The following CACNA1S variants were observed in gnomAD, a reference collection of about 807,000 sequenced individuals.
The protein encoded by CACNA1S is calcium voltage-gated channel subunit alpha1 S, also known as voltage-dependent L-type calcium channel subunit alpha-1S.
A neutral mutation model predicts 207.4 loss-of-function variants in CACNA1S; 126 were observed. The ratio of observed to expected loss-of-function variants is 0.61; its 90% CI spans 0.53 to 0.70. The LOEUF (loss-of-function observed/expected upper bound fraction) is 0.70. Ranked by LOEUF, CACNA1S falls within the 30% of genes least tolerant of loss-of-function variation. CACNA1S has a pLI of 0.00. For synonymous variants in CACNA1S, 960 were observed against 932.7 expected (o/e 1.03, Z -0.53); for missense variants, 2,349 against 2,422.8 (o/e 0.97, Z 0.64).
At position 201,048,565 on chromosome 1, in the gene CACNA1S, T is replaced by C. The variant is rs758339204; in HGVS notation, c.4441+17A>G. 52 of 1,582,834 alleles carry C rather than the reference T, an allele frequency of 3.3e-5. No homozygotes were observed. Among genetic ancestry groups the C allele is most frequent in the Admixed American group, 1.7e-5 (1 of 59,976 alleles). On this transcript the variant is annotated intron_variant, in intron 36 of 43. Transcript: ENST00000362061. ...TCTGGGAGAAAGGAGGGGGCTCACA[T>C]TGGAAGGCACTCTCACCTTCCGTCT...
intron 2 of CACNA1S, 136 bp downstream of exon 2, chr1:201,110,027 TG>T: frequency 2.5e-6 from 2 of 791,958 alleles, no homozygotes. Context: ...GCCCTGCAGG[TG>T]GCTGGGGATG....
intron 7 of CACNA1S, among the ~76,000 whole-genome samples, chr1:201,087,125 C>T (rs1016717821): frequency 1.3e-5 from 2 of 152,106 alleles, no homozygotes; most frequent in African/African-American, 4.8e-5. Flanking sequence ...GGACTGGTCT[C>T]AAAGAGAACA....
chr1:201,074,141 C>T (rs182501196), intron 14 of CACNA1S, among the ~76,000 whole-genome samples: 4 of 151,518 alleles, frequency 2.6e-5, no homozygotes, highest in Admixed American at 6.6e-5. Flanking sequence ...TGGGCACCAC[C>T]GGGGAGCCTG....
At chr1:201,091,556 G>A (rs921223713) in intron 5 of CACNA1S, 84 bp downstream of exon 5, 39 of 1,486,980 alleles carry the variant, frequency 2.6e-5, no homozygotes, top group Admixed American at 1.0e-4. Flanking sequence ...GCTGAGCTCC[G>A]GGCTCCTTCA....
intron 25 of CACNA1S, 28 bp downstream of exon 25, chr1:201,061,239 C>T (rs1661035571): frequency 1.3e-6 from 2 of 1,598,800 alleles, no homozygotes; most frequent in African/African-American, 2.7e-5. Flanking sequence ...GAGCTCTGCC[C>T]TCCACCTCTG....
At chr1:201,100,082 A>G (rs1386083534) in intron 2 of CACNA1S, among the ~76,000 whole-genome samples, 2 of 152,186 alleles carry the variant, frequency 1.3e-5, no homozygotes, top group Non-Finnish European at 2.9e-5. Context: ...GGCAGGCGGG[A>G]TAACTGAAAG....
intron 2 of CACNA1S, among the ~76,000 whole-genome samples, chr1:201,109,472 C>T (rs1307517944): frequency 6.6e-6 from 1 of 152,186 alleles, no homozygotes; most frequent in Non-Finnish European, 1.5e-5. Flanking sequence ...ATTTAATAAG[C>T]ACTTACTAAA....
intron 22 of CACNA1S, among the ~76,000 whole-genome samples, chr1:201,064,422 C>T (rs1433653980): frequency 1.3e-5 from 2 of 152,378 alleles, no homozygotes; most frequent in Middle Eastern, 3.4e-3. Flanking sequence ...AGGGGCTCCA[C>T]GCTGCTGCTT....
At chr1:201,067,942 G>A (rs923979711) in intron 19 of CACNA1S, among the ~76,000 whole-genome samples, 3 of 152,164 alleles carry the variant, frequency 2.0e-5, no homozygotes, top group Admixed American at 6.6e-5. Flanking sequence ...CTCTTAGTTT[G>A]TGAATGTGCA....
At chr1:201,086,468 G>A (rs145864264) in intron 7 of CACNA1S, among the ~76,000 whole-genome samples, 1 of 152,346 alleles carries the variant, frequency 6.6e-6, no homozygotes, top group African/African-American at 2.4e-5. Context: ...CTAGATGGGA[G>A]AGCCGACTAC....
At chr1:201,057,910 C>G (rs944869898) in intron 28 of CACNA1S, among the ~76,000 whole-genome samples, 2 of 152,246 alleles carry the variant, frequency 1.3e-5, no homozygotes, top group African/African-American at 2.4e-5. Context: ...GAAGCCCACT[C>G]TCACCGCTTA....
chr1:201,110,291 G>A lies in CACNA1S; in HGVS notation c.153-22C>T, dbSNP rs551689216. 11 of 1,606,008 alleles carry A rather than the reference G, an allele frequency of 6.8e-6. No individual in the cohort carries two copies. The South Asian group carries it at 1.2e-4, about 18-fold the overall frequency. ...GGGCCTGGAGCCAGGGTTAAGGAGA[G>A]CCCTCGAGTGAGGCAAGGGACTTAC... On this transcript the variant is annotated intron_variant, in intron 1 of 43. Transcript: ENST00000362061.
chr1:201,049,077 C>T lies in CACNA1S; in HGVS notation c.4264G>A (p.Val1422Met), dbSNP rs1224786667. 3.2e-5 allele frequency: 51 copies of T among 1,613,106 alleles called. No homozygotes were observed. Among genetic ancestry groups the T allele is most frequent in the Non-Finnish European group, 4.1e-5 (48 of 1,179,664 alleles). The change falls in exon 35 of 44, where the codon GTG (valine) becomes ATG (methionine). Residue 1422 changes from valine (V) to methionine (M), a missense_variant. Physicochemically the swap from Val to Met is conservative, Grantham distance 21. Coordinates refer to ENST00000362061, the MANE Select transcript of CACNA1S (RefSeq NM_000069.3). ...EAKGRIKHLDVVTLLRRIQPP... is the reference protein window; with the variant it reads ...EAKGRIKHLDMVTLLRRIQPP... Reference sequence around the variant, plus strand: ...TGAATCCTTCTCAGCAGGGTCACCACGTCCAGGTGTTTGATTCTCCCCCTG... The same window carrying T: ...TGAATCCTTCTCAGCAGGGTCACCATGTCCAGGTGTTTGATTCTCCCCCTG...
chr1:201,112,257 G>T lies in CACNA1S; in HGVS notation c.83C>A (p.Pro28His), dbSNP rs747041937. 3.1e-6 allele frequency: 5 copies of T among 1,614,010 alleles called. No homozygotes were observed. Among genetic ancestry groups the T allele is most frequent in the Non-Finnish European group, 4.2e-6 (5 of 1,179,992 alleles). Residue 28 changes from proline (P) to histidine (H), a missense_variant, in exon 1 of 44, where the codon CCC (proline) becomes CAC (histidine). Coordinates refer to ENST00000362061, the MANE Select transcript of CACNA1S (RefSeq NM_000069.3). ...KPVPEILPRP[P>H]RALFCLTLEN... ...CAGGGTCAGGCAGAACAAGGCCCGG[G>T]GTGGCCTTGGCAGAATCTCAGGAAC...
chr1:201,091,402 G>GGA (rs1002836149), intron 5 of CACNA1S, among the ~76,000 whole-genome samples: 8 of 152,242 alleles, frequency 5.3e-5, no homozygotes, highest in Middle Eastern at 3.4e-3. Flanking sequence ...TGGGGCAGGG[G>GGA]GGTGACGGTG....
intron 22 of CACNA1S, among the ~76,000 whole-genome samples, chr1:201,063,609 G>T (rs10920103): frequency 0.11 from 16,788 of 152,220 alleles, 1,248 homozygotes; most frequent in African/African-American, 0.21. Context: ...GTCTTAAAGA[G>T]GCTAAATCAG....
At chr1:201,064,403 A>C (rs1357443280) in intron 22 of CACNA1S, among the ~76,000 whole-genome samples, 1 of 152,212 alleles carries the variant, frequency 6.6e-6, no homozygotes, top group Non-Finnish European at 1.5e-5. Flanking sequence ...TTCCCCGCGA[A>C]GATTCTCTAG....
At position 201,044,342 on chromosome 1, in the gene CACNA1S, C is replaced by T; in HGVS notation, c.4783G>A (p.Glu1595Lys). The T allele has an allele frequency of 1.2e-6, 2 of 1,613,706 alleles. No homozygotes were observed. Among genetic ancestry groups the T allele is most frequent in the South Asian group, 1.1e-5 (1 of 91,048 alleles). ...CTCTCCCTCACCCGGAATATTCCCTCCTCCATCGCAGCCTCCACCATGGCT... is the reference window on the plus strand; with the variant it reads ...CTCTCCCTCACCCGGAATATTCCCTTCTCCATCGCAGCCTCCACCATGGCT... ...ERAMVEAAME[E>K]GIFRRTGGLF... The change falls in exon 39 of 44, where the codon GAG becomes AAG. Residue 1595 changes from glutamate to lysine, a missense_variant. Coordinates refer to ENST00000362061, the MANE Select transcript of CACNA1S (RefSeq NM_000069.3).
At chr1:201,092,732 A>C (rs1462314018) in intron 3 of CACNA1S, among the ~76,000 whole-genome samples, 2 of 152,212 alleles carry the variant, frequency 1.3e-5, no homozygotes, top group Admixed American at 1.3e-4. Flanking sequence ...TTCTGTACGC[A>C]TTTGTCTTGG....
Sources: gnomAD v4.1 joint callset for allele counts (sites outside exome capture counted in the v4.1 genomes callset) on GRCh38, gnomAD v4.1.1 for gene constraint, MANE v1.5 for transcripts, NCBI Gene and HGNC (gene_info 2026-07-23, HGNC 2026-07-21) for gene names.